PAX8: variants seen among roughly 807,000 people sequenced by gnomAD.
PAX8 encodes the protein paired box 8.
In PAX8, 15 loss-of-function variants were observed where a neutral mutation model predicts 52.4. The observed-to-expected ratio is 0.29, with a 90% CI of 0.19 to 0.44. PAX8 has a LOEUF of 0.44. Among genes scored for constraint, PAX8 ranks in the 20% least tolerant of loss-of-function variants. The pLI is 1.00. For synonymous variants in PAX8, 284 were observed against 249.7 expected (o/e 1.14, Z -1.29); for missense variants, 554 against 602.5 (o/e 0.92, Z 0.84).
At chr2:113,237,097 A>C (rs1416999699) in intron 7 of PAX8, 1 of 195,042 alleles carries the variant, frequency 5.1e-6, no homozygotes, top group East Asian at 1.2e-4. Flanking sequence ...GGGTCCTTGC[A>C]TCTGTTAATT....
chr2:113,219,949 C>T, intron 11 of PAX8, 143 bp downstream of exon 11: 1 of 623,652 alleles, frequency 1.6e-6, no homozygotes, highest in Non-Finnish European at 2.9e-6. Context: ...CTGCTGCCTT[C>T]TTCCATCACA....
chr2:113,248,218 T>C (rs1040649923), intron 2 of PAX8, among the ~76,000 whole-genome samples: 1 of 152,226 alleles, frequency 6.6e-6, no homozygotes, highest in African/African-American at 2.4e-5. Context: ...AGAGTTTTAG[T>C]GCTCTGATTT....
chr2:113,255,625 C>A (rs1692193959), intron 2 of PAX8: 1 of 152,220 alleles, frequency 6.6e-6, no homozygotes, highest in African/African-American at 2.4e-5. Context: ...CAGGAGTCTT[C>A]TGTGAGATTA....
At chr2:113,255,705 G>A (rs1408905532) in intron 2 of PAX8, among the ~76,000 whole-genome samples, 1 of 152,168 alleles carries the variant, frequency 6.6e-6, no homozygotes, top group Non-Finnish European at 1.5e-5. Flanking sequence ...TCTGAGCCAA[G>A]AAGTCTTTTT....
chr2:113,276,480 G>A (rs1057431351), intron 2 of PAX8: 4 of 152,296 alleles, frequency 2.6e-5, no homozygotes, highest in Non-Finnish European at 5.9e-5. Context: ...GGGGCAGAGG[G>A]CTCCCTCCCA....
intron 10 of PAX8, chr2:113,225,984 A>G (rs1689545283): frequency 4.1e-6 from 4 of 985,466 alleles, no homozygotes; most frequent in Non-Finnish European, 4.8e-6. Context: ...GGAGGGACAG[A>G]GGAGTCAGTA....
chr2:113,236,167 T>C (rs1322829383), intron 8 of PAX8: 1 of 119,380 alleles, frequency 8.4e-6, no homozygotes, highest in Non-Finnish European at 1.7e-5. Flanking sequence ...GGGCCCACCT[T>C]GAGGCCCGGC....
intron 9 of PAX8, among the ~76,000 whole-genome samples, chr2:113,233,557 A>G (rs372117948): frequency 1.3e-5 from 2 of 151,840 alleles, no homozygotes; most frequent in Admixed American, 6.6e-5. Context: ...GCCCATTTGT[A>G]GTTCTAGCTA....
rs1036060361 is a variant in PAX8, at chr2:113,216,697, A to C, written c.*1836T>G. 4.4e-6 allele frequency: 1 copy of C among 226,780 alleles called. No individual in the cohort carries two copies. Among genetic ancestry groups the C allele is most frequent in the Middle Eastern group, 1.3e-3 (1 of 752 alleles). The allele number at this position is 226,780 out of a possible 1,614,324, so 14.0% of individuals were successfully genotyped here. A position where few individuals can be genotyped will look rare whatever the true frequency, so the allele number is the denominator to read the frequency against. ...CTCCATTCAGTCAGGTCAAATCTTTAGCAAATCAAAAGAAATTAAATCCCC... is the reference window on the plus strand; with the variant it reads ...CTCCATTCAGTCAGGTCAAATCTTTCGCAAATCAAAAGAAATTAAATCCCC... On this transcript the variant is annotated 3_prime_UTR_variant, in exon 12 of 12. Transcript: ENST00000429538.
intron 2 of PAX8, among the ~76,000 whole-genome samples, chr2:113,249,470 C>T (rs1033085069): frequency 1.3e-5 from 2 of 152,102 alleles, no homozygotes; most frequent in Non-Finnish European, 2.9e-5. Context: ...AGGCTGGGAC[C>T]TCTATATCTG....
intron 5 of PAX8, among the ~76,000 whole-genome samples, chr2:113,242,331 TGA>T (rs1690927615): frequency 6.6e-6 from 1 of 150,622 alleles, no homozygotes; most frequent in South Asian, 2.1e-4. Flanking sequence ...GGTCAGGGAG[TGA>T]GAGTGACACC....
At chr2:113,275,794 A>G (rs1693758633) in intron 2 of PAX8, 1 of 152,268 alleles carries the variant, frequency 6.6e-6, no homozygotes, top group South Asian at 2.1e-4. Context: ...GATTTTAAGG[A>G]ACGTTCAGCC....
intron 10 of PAX8, among the ~76,000 whole-genome samples, chr2:113,221,893 G>GAGACTAAGTCTCTGCGTAAATCTTACGTT (rs1236261035): frequency 2.6e-5 from 4 of 151,984 alleles, no homozygotes. Flanking sequence ...CTTAGGGGCA[G>GAGACTAAGTCTCTGCGTAAATCTTACGTT]AGACTAAGTC....
intron 7 of PAX8, chr2:113,241,223 C>G (rs1457380325): frequency 4.3e-6 from 2 of 465,992 alleles, no homozygotes; most frequent in African/African-American, 3.9e-5. Flanking sequence ...AGGCTTTGTG[C>G]TACTGCTTCA....
intron 2 of PAX8, among the ~76,000 whole-genome samples, chr2:113,277,969 C>G (rs749406743): frequency 7.1e-4 from 108 of 152,142 alleles, no homozygotes; most frequent in Non-Finnish European, 1.4e-3. Flanking sequence ...TGCGCGCACC[C>G]GAGGAAGAGG....
At chr2:113,265,692 ATC>A in intron 2 of PAX8, 1 of 152,304 alleles carries the variant, frequency 6.6e-6, no homozygotes, top group African/African-American at 2.4e-5. Context: ...TTGCTTTCCT[ATC>A]TCTAGAATGT....
At chr2:113,243,898 G>T (rs1051949184) in intron 4 of PAX8, among the ~76,000 whole-genome samples, 1 of 152,178 alleles carries the variant, frequency 6.6e-6, no homozygotes, top group Admixed American at 6.5e-5. Context: ...ATTTTTTGTA[G>T]GTAGTTGATT....
At chr2:113,224,816 T>TA (rs869310446) in intron 10 of PAX8, among the ~76,000 whole-genome samples, 1 of 140,828 alleles carries the variant, frequency 7.1e-6, no homozygotes, top group Admixed American at 7.0e-5. Flanking sequence ...TAAAATAAAA[T>TA]AAAAAAATAA....
intron 2 of PAX8, among the ~76,000 whole-genome samples, chr2:113,262,032 G>T (rs1692722935): frequency 6.6e-6 from 1 of 152,124 alleles, no homozygotes; most frequent in African/African-American, 2.4e-5. Flanking sequence ...GTTTCGTCAT[G>T]TTGGCCAAGC....
Sources: gnomAD v4.1 joint callset for allele counts (sites outside exome capture counted in the v4.1 genomes callset) on GRCh38, gnomAD v4.1.1 for gene constraint, MANE v1.5 for transcripts, NCBI Gene and HGNC (gene_info 2026-07-23, HGNC 2026-07-21) for gene names.